BPIFB6: variants seen among roughly 807,000 people sequenced by gnomAD.
The protein encoded by BPIFB6 is BPI fold containing family B member 6.
BPIFB6 carries 47 observed loss-of-function variants against 54.7 expected under a neutral mutation model. The ratio of observed to expected loss-of-function variants is 0.86; its 90% CI spans 0.68 to 1.10. The LOEUF (loss-of-function observed/expected upper bound fraction) is 1.10. Ranked by LOEUF, BPIFB6 falls within the 50% of genes least tolerant of loss-of-function variation. BPIFB6 has a pLI of 0.00. For missense variants in BPIFB6, 603 were observed against 564.1 expected (o/e 1.07, Z -0.70); for synonymous variants, 255 against 225.9 (o/e 1.13, Z -1.16).
intron 11 of BPIFB6, 47 bp downstream of exon 11, chr20:33,040,365 T>C: frequency 6.3e-7 from 1 of 1,581,620 alleles, no homozygotes. Context: ...CCTTCACATT[T>C]GGCCTTCTGA....
At position 33,032,971 on chromosome 20, in the gene BPIFB6, G is replaced by A. The variant is rs770505479; in HGVS notation, c.98-13G>A. ...CCAGGGAAAATCTCTCCAACTAAGT[G>A]TCTCCACTCCAGAGGTCCAGAGCGC... is the stretch of plus-strand genomic sequence containing the variant. On this transcript the variant is annotated splice_polypyrimidine_tract_variant and intron_variant, in intron 1 of 14. Coordinates refer to ENST00000349552, the MANE Select transcript of BPIFB6 (RefSeq NM_174897.2). The A allele has an allele frequency of 3.1e-6, 5 of 1,607,192 alleles. No individual in the cohort carries two copies. Among genetic ancestry groups the A allele is most frequent in the African/African-American group, 1.3e-5 (1 of 74,770 alleles).
At chr20:33,031,857 A>G (rs1979116136) in intron 1 of BPIFB6, 113 bp downstream of exon 1, 4 of 793,242 alleles carry the variant, frequency 5.0e-6, no homozygotes, top group South Asian at 4.5e-5. Context: ...CTCCAAGTAA[A>G]CTTATAAGCA....
intron 2 of BPIFB6, chr20:33,033,723 G>A: frequency 6.7e-6 from 3 of 446,400 alleles, no homozygotes; most frequent in Middle Eastern, 6.6e-4. Flanking sequence ...ATTTTTCATT[G>A]TCACAAGTTG....
rs761723770 is a variant in BPIFB6 at position 33,042,000 on chromosome 20, G to A, written c.1173G>A (p.Ser391=). 60 of 1,613,910 alleles carry A rather than the reference G, an allele frequency of 3.7e-5. 1 individual carries two copies. Among genetic ancestry groups the A allele is most frequent in the East Asian group, 2.9e-4 (13 of 44,878 alleles). Residue 391 remains serine, a synonymous_variant, in exon 12 of 15, where the codon TCG becomes TCA. Transcript: ENST00000349552. ...RLLSLSRKSS[S]IGNFNERELT... The stretch of plus-strand genomic sequence containing the variant: ...TGAGCTTGTCCCGGAAGTCCTCATC[G>A]ATTGGCAACTTCAATGTAAGTGTCC...
chr20:33,037,685 G>T lies in BPIFB6; in HGVS notation c.793G>T (p.Ala265Ser), dbSNP rs755212794. The change falls in exon 8 of 15, where the codon GCA (alanine) becomes TCA (serine). Residue 265 changes from alanine to serine, a missense_variant. Transcript: ENST00000349552. ...GCTGCTCCCAGCCACCTTCCTCTCT[G>T]CAGAGCTTGCCCTTCTGCAGAAGTC... is the stretch of plus-strand genomic sequence containing the variant. ...QLLLPATFLS[A>S]ELALLQKSFH... 1.2e-5 allele frequency: 19 copies of T among 1,614,036 alleles called. No homozygotes were observed. Among genetic ancestry groups the T allele is most frequent in the South Asian group, 4.4e-5 (4 of 91,070 alleles).
chr20:33,043,598 T>C (rs1979684212), intron 14 of BPIFB6, among the ~76,000 whole-genome samples: 1 of 152,224 alleles, frequency 6.6e-6, no homozygotes, highest in Non-Finnish European at 1.5e-5. Context: ...TTACTTCACC[T>C]CTGTCTGTGT....
In BPIFB6 at chr20:33,037,674, C is replaced by T; in HGVS notation, c.782C>T (p.Thr261Ile). The T allele has an allele frequency of 1.2e-6, 2 of 1,614,134 alleles. No homozygotes were observed. Among genetic ancestry groups the T allele is most frequent in the South Asian group, 1.1e-5 (1 of 91,082 alleles). Reference sequence around the variant, plus strand: ...TCGTCGCAGCTGCTGCTCCCAGCCACCTTCCTCTCTGCAGAGCTTGCCCTT... The same window carrying T: ...TCGTCGCAGCTGCTGCTCCCAGCCATCTTCCTCTCTGCAGAGCTTGCCCTT... Reference protein sequence around the residue: ...KGSSQLLLPATFLSAELALLQ... With the variant: ...KGSSQLLLPAIFLSAELALLQ... Residue 261 changes from threonine to isoleucine, a missense_variant, in exon 8 of 15, where the codon ACC (threonine) becomes ATC (isoleucine). Coordinates refer to ENST00000349552, the MANE Select transcript of BPIFB6 (RefSeq NM_174897.2).
At chr20:33,031,772 A>G (rs6059027) in intron 1 of BPIFB6, 28 bp downstream of exon 1, 868,215 of 1,604,584 alleles carry the variant, frequency 0.54, 240,942 homozygotes, top group East Asian at 0.8. Context: ...CCGGGCGTGC[A>G]GCTGGGAGGC....
chr20:33,038,648 C>A (rs557128605), intron 8 of BPIFB6, among the ~76,000 whole-genome samples: 2 of 152,316 alleles, frequency 1.3e-5, no homozygotes, highest in South Asian at 4.1e-4. Flanking sequence ...TCACATCTAC[C>A]CATTCTCCCA....
chr20:33,031,680 C>T lies in BPIFB6; in HGVS notation c.33C>T (p.Ser11=), dbSNP rs1979102423. 2 of 1,613,960 alleles carry T rather than the reference C, an allele frequency of 1.2e-6. No individual in the cohort carries two copies. Among genetic ancestry groups the T allele is most frequent in the African/African-American group, 2.7e-5 (2 of 74,938 alleles). Residue 11 remains serine (S), a synonymous_variant, in exon 1 of 15, where the codon AGC becomes AGT. Transcript: ENST00000349552. ...GGATCCTGTGCCTGGCACTCTGCAG[C>T]CTGCTGACTGGCACGCGAGCTGACC... MLRILCLALC[S]LLTGTRADPG...
In BPIFB6 at chr20:33,034,281, C is replaced by T. The variant is rs1979233447; in HGVS notation, c.293C>T (p.Thr98Ile). Residue 98 changes from threonine to isoleucine, a missense_variant, in exon 3 of 15, where the codon ACT becomes ATT. Thr to Ile is a moderately conservative substitution (Grantham distance 89). Transcript: ENST00000349552. ...FQCVSTGMTV[T>I]GKSFMGGNME... ...TGTGTGTCCACAGGCATGACCGTCA[C>T]TGGCAAGAGGTGAGTGTGGCAGGGG... 6.2e-7 allele frequency: 1 copy of T among 1,611,892 alleles called. No individual in the cohort carries two copies. Among genetic ancestry groups the T allele is most frequent in the Non-Finnish European group, 8.5e-7 (1 of 1,178,004 alleles).
At chr20:33,031,900 G>A (rs1486654599) in intron 1 of BPIFB6, among the ~76,000 whole-genome samples, 156 bp downstream of exon 1, 4 of 152,164 alleles carry the variant, frequency 2.6e-5, no homozygotes, top group African/African-American at 9.7e-5. Flanking sequence ...TTTACAGAGG[G>A]GAGAAACCAA....
intron 12 of BPIFB6, among the ~76,000 whole-genome samples, chr20:33,042,537 G>A (rs553083494): frequency 6.6e-6 from 1 of 152,338 alleles, no homozygotes; most frequent in East Asian, 1.9e-4. Flanking sequence ...GACCAGGACT[G>A]GGGTCCACAG....
At chr20:33,042,714 C>A in intron 12 of BPIFB6, 101 bp from the exon 13 acceptor site, 2 of 1,099,278 alleles carry the variant, frequency 1.8e-6, no homozygotes, top group Non-Finnish European at 2.7e-6. Flanking sequence ...GTCTAATATT[C>A]ACTTCTGTGG....
chr20:33,041,876 G>A, intron 11 of BPIFB6, 94 bp from the exon 12 acceptor site: 1 of 1,142,194 alleles, frequency 8.8e-7, no homozygotes, highest in Non-Finnish European at 1.3e-6. Context: ...GGGAGGCGTT[G>A]GGGTGCTTGG....
chr20:33,041,083 G>A (rs541371983), intron 11 of BPIFB6, among the ~76,000 whole-genome samples: 15 of 148,434 alleles, frequency 1.0e-4, no homozygotes, highest in Middle Eastern at 3.5e-3. Context: ...TCCGCCTCCC[G>A]GGTTCATGCC....
intron 14 of BPIFB6, 95 bp from the exon 15 acceptor site, chr20:33,043,920 G>A: frequency 6.8e-7 from 1 of 1,480,506 alleles, no homozygotes; most frequent in South Asian, 1.1e-5. Context: ...CCACCACACT[G>A]GTTTCCATTT....
In BPIFB6 at chr20:33,035,065, G is replaced by T; in HGVS notation, c.453-16G>T. 1 of 1,613,738 alleles carries T rather than the reference G, an allele frequency of 6.2e-7. No homozygotes were observed. Among genetic ancestry groups the T allele is most frequent in the Non-Finnish European group, 8.5e-7 (1 of 1,179,958 alleles). Reference sequence around the variant, plus strand: ...GTGCACCTGCCCACCTATCCTCGGTGCCTGTGTCCATCTAGCATGCTCCCC... The same window carrying T: ...GTGCACCTGCCCACCTATCCTCGGTTCCTGTGTCCATCTAGCATGCTCCCC... On this transcript the variant is annotated splice_polypyrimidine_tract_variant and intron_variant, in intron 4 of 14. Coordinates refer to ENST00000349552, the MANE Select transcript of BPIFB6 (RefSeq NM_174897.2).
chr20:33,034,776 A>G lies in BPIFB6; in HGVS notation c.316A>G (p.Asn106Asp), dbSNP rs146275974. ...TCTGTCCTCCAGCTTCATGGGAGGG[A>G]ACATGGAGATCATCGTGGCCCTGAA... ...TVTGKSFMGG[N>D]MEIIVALNIT... Residue 106 changes from asparagine to aspartate, a missense_variant, in exon 4 of 15, where the codon AAC (asparagine) becomes GAC (aspartate). Transcript: ENST00000349552. 98 of 1,611,048 alleles carry G rather than the reference A, an allele frequency of 6.1e-5. No individual in the cohort carries two copies. The African/African-American group carries it at 1.2e-3, about 20-fold the overall frequency.
Sources: gnomAD v4.1 joint callset for allele counts (sites outside exome capture counted in the v4.1 genomes callset) on GRCh38, gnomAD v4.1.1 for gene constraint, MANE v1.5 for transcripts, NCBI Gene and HGNC (gene_info 2026-07-23, HGNC 2026-07-21) for gene names.